Variants in GALNT13 observed in about 807,000 individuals in gnomAD.
The protein encoded by GALNT13 is UDP-GalNAc:polypeptide N-acetylgalactosaminyltransferase 13.
GALNT13 carries 28 observed loss-of-function variants against 64.2 expected under a neutral mutation model. The observed-to-expected ratio is 0.44, with a 90% CI of 0.32 to 0.60. The LOEUF is 0.60. Ranked by LOEUF, GALNT13 falls within the 20% of genes least tolerant of loss-of-function variation. The pLI, the probability that GALNT13 is intolerant of heterozygous loss-of-function variation, is 0.05. For synonymous variants in GALNT13, 214 were observed against 224.6 expected (o/e 0.95, Z 0.42); for missense variants, 577 against 669.8 (o/e 0.86, Z 1.53).
chr2:154,315,564 A>G (rs1005235586), intron 9 of GALNT13, among the ~76,000 whole-genome samples: 2 of 152,212 alleles, frequency 1.3e-5, no homozygotes, highest in Non-Finnish European at 2.9e-5. Flanking sequence ...CTGGTGTGAA[A>G]GGTCTACTTA....
the GALNT13 span, among the ~76,000 whole-genome samples, chr2:153,649,771 G>A: frequency 9.1e-3 from 1,367 of 149,896 alleles, 14 homozygotes; most frequent in African/African-American, 0.031. Context: ...ATAGTTGAGC[G>A]GTTTTGAGTG....
At chr2:153,701,701 C>T in the GALNT13 span, among the ~76,000 whole-genome samples, 3 of 151,940 alleles carry the variant, frequency 2.0e-5, no homozygotes, top group African/African-American at 4.8e-5. Context: ...TCAAAAGACA[C>T]GTATATGGTC....
At chr2:154,411,493 G>A (rs555369854) in intron 11 of GALNT13, among the ~76,000 whole-genome samples, 31 of 151,758 alleles carry the variant, frequency 2.0e-4, no homozygotes, top group Non-Finnish European at 4.0e-4. Flanking sequence ...ATGACTGAGG[G>A]AGGTCTGCAT....
chr2:154,249,336 C>A (rs2105884572), intron 7 of GALNT13, among the ~76,000 whole-genome samples: 1 of 152,200 alleles, frequency 6.6e-6, no homozygotes, highest in African/African-American at 2.4e-5. Context: ...CTGGCACTGG[C>A]CACAGGTATG....
At chr2:154,338,145 A>G (rs1048007240) in intron 9 of GALNT13, among the ~76,000 whole-genome samples, 2 of 152,094 alleles carry the variant, frequency 1.3e-5, no homozygotes, top group Admixed American at 1.3e-4. Context: ...TGCATGATCA[A>G]CTTTCACATA....
intron 9 of GALNT13, among the ~76,000 whole-genome samples, chr2:154,371,772 G>T (rs114649237): frequency 0.49 from 72,018 of 146,446 alleles, 18,099 homozygotes; most frequent in Admixed American, 0.59. Context: ...TTTTTTGTGT[G>T]TGTGTGCTTT....
At chr2:154,224,040 T>G (rs1320481742) in intron 4 of GALNT13, among the ~76,000 whole-genome samples, 1 of 152,080 alleles carries the variant, frequency 6.6e-6, no homozygotes, top group Non-Finnish European at 1.5e-5. Flanking sequence ...ATTATTTATT[T>G]ATTTATTTGT....
At chr2:153,432,335 A>G in the GALNT13 span, among the ~76,000 whole-genome samples, 1 of 152,186 alleles carries the variant, frequency 6.6e-6, no homozygotes, top group Admixed American at 6.5e-5. Context: ...TTTCAAAAGC[A>G]TTTTTAAGAA....
chr2:153,927,868 T>C (rs1380543183), intron 2 of GALNT13, among the ~76,000 whole-genome samples: 1 of 152,068 alleles, frequency 6.6e-6, no homozygotes, highest in African/African-American at 2.4e-5. Flanking sequence ...CTATTTCACC[T>C]ATTAATACTT....
At chr2:153,718,631 G>T in the GALNT13 span, among the ~76,000 whole-genome samples, 5 of 152,214 alleles carry the variant, frequency 3.3e-5, no homozygotes, top group African/African-American at 1.2e-4. Flanking sequence ...CTAACGCAGT[G>T]ACATGAGGAG....
chr2:154,370,194 G>T (rs573146539), intron 9 of GALNT13, among the ~76,000 whole-genome samples: 120 of 152,148 alleles, frequency 7.9e-4, no homozygotes, highest in Admixed American at 1.6e-3. Flanking sequence ...ATTACTGAGG[G>T]GGATTTATAT....
At chr2:153,377,526 G>A in the GALNT13 span, among the ~76,000 whole-genome samples, 3 of 152,040 alleles carry the variant, frequency 2.0e-5, no homozygotes, top group Admixed American at 6.6e-5. Context: ...CTGAACAAGC[G>A]AGTTGTTAAA....
At position 154,239,324 on chromosome 2, in the gene GALNT13, T is replaced by C. The variant is rs559241898; in HGVS notation, c.312-2706T>C. Among the ~76,000 whole-genome samples, 5 of 152,286 alleles carry C rather than the reference T, an allele frequency of 3.3e-5. No homozygotes were observed. In the East Asian group the frequency reaches 9.6e-4, roughly 29 times the overall value. Reference sequence around the variant, plus strand: ...TGAAAAAATCTTTTTTAAAAAATGATGCTGAGTAGACTTTATTCACTGTAG... The same window carrying C: ...TGAAAAAATCTTTTTTAAAAAATGACGCTGAGTAGACTTTATTCACTGTAG... On this transcript the variant is annotated intron_variant, in intron 4 of 12. Transcript: ENST00000392825.
the GALNT13 span, among the ~76,000 whole-genome samples, chr2:153,552,372 C>T: frequency 1.3e-5 from 2 of 152,052 alleles, no homozygotes; most frequent in Non-Finnish European, 2.9e-5. Flanking sequence ...ACTGAAGATT[C>T]AGAAGAAAGG....
the GALNT13 span, among the ~76,000 whole-genome samples, chr2:153,585,002 GA>G: frequency 2.6e-5 from 4 of 152,158 alleles, no homozygotes; most frequent in African/African-American, 9.6e-5. Flanking sequence ...AAATTCACAG[GA>G]AACATCAAAA....
the GALNT13 span, among the ~76,000 whole-genome samples, chr2:153,116,934 G>T: frequency 6.6e-6 from 1 of 151,178 alleles, no homozygotes. Flanking sequence ...CAAGTAGCTG[G>T]GACTACAGGC....
At chr2:153,225,293 A>G in the GALNT13 span, among the ~76,000 whole-genome samples, 3 of 152,250 alleles carry the variant, frequency 2.0e-5, no homozygotes, top group Non-Finnish European at 4.4e-5. Context: ...TATGATTTAA[A>G]ATTTTTTTAA....
the GALNT13 span, among the ~76,000 whole-genome samples, chr2:153,182,459 T>C: frequency 3.9e-5 from 6 of 152,362 alleles, no homozygotes; most frequent in East Asian, 1.2e-3. Context: ...CTTTAACTTT[T>C]AAGTTCAGGG....
chr2:153,566,645 C>T, the GALNT13 span, among the ~76,000 whole-genome samples: 2 of 152,138 alleles, frequency 1.3e-5, no homozygotes, highest in Admixed American at 6.5e-5. Flanking sequence ...TGAGCCACTG[C>T]GTCCGGCCTC....
Sources: allele counts gnomAD v4.1 joint callset (sites outside exome capture counted in the v4.1 genomes callset), GRCh38; gene constraint gnomAD v4.1.1; transcripts MANE v1.5; gene names NCBI Gene and HGNC (gene_info 2026-07-23, HGNC 2026-07-21).